Variants in PPP3CA observed in about 807,000 individuals in gnomAD.
PPP3CA encodes CAM-PRP catalytic subunit.
Under a neutral mutation model 66.5 loss-of-function variants are expected in PPP3CA, and 14 were observed. The ratio of observed to expected loss-of-function variants is 0.21; its 90% CI spans 0.14 to 0.33. PPP3CA has a LOEUF of 0.33. Ranked by LOEUF, PPP3CA falls within the 10% of genes least tolerant of loss-of-function variation. The pLI is 1.00. For synonymous variants in PPP3CA, 232 were observed against 226.2 expected, an observed-to-expected ratio of 1.03 and a Z score of -0.23; for missense variants, 317 against 639.5, an observed-to-expected ratio of 0.50 and a Z score of 5.44.
At chr4:101,216,901 T>C (rs1725474723) in intron 1 of PPP3CA, among the ~76,000 whole-genome samples, 1 of 152,076 alleles carries the variant, frequency 6.6e-6, no homozygotes, top group Non-Finnish European at 1.5e-5. Context: ...CATATATTTA[T>C]GGCAAATCAT....
chr4:101,066,770 G>A (rs764328086), intron 8 of PPP3CA, among the ~76,000 whole-genome samples: 27 of 151,796 alleles, frequency 1.8e-4, no homozygotes, highest in East Asian at 3.8e-4. Context: ...CACATCCTCC[G>A]CCCCTGCCAC....
Position 101,325,169 on chromosome 4 carries a change from C to A in PPP3CA, c.58+21570G>T, listed in dbSNP as rs115678674. Among the ~76,000 whole-genome samples the A allele has an allele frequency of 3.0e-3, 457 of 152,216 alleles. 1 individual carries two copies. The highest frequency in any genetic ancestry group is 0.011 in the African/African-American group (440 of 41,516). ...GGCATTGGTAGCTTTAAAAGTTTTC[C>A]AAGTGATTGTAATGTGTGACCATGC... On this transcript the variant is annotated intron_variant, in intron 1 of 13. Transcript: ENST00000394854.
At chr4:101,221,889 C>T (rs1409722962) in intron 1 of PPP3CA, among the ~76,000 whole-genome samples, 1 of 151,614 alleles carries the variant, frequency 6.6e-6, no homozygotes, top group East Asian at 1.9e-4. Flanking sequence ...GCTGAGATAA[C>T]TGAAAGTTCA....
chr4:101,279,362 T>A (rs1163160693), intron 1 of PPP3CA, among the ~76,000 whole-genome samples: 2 of 152,026 alleles, frequency 1.3e-5, no homozygotes, highest in African/African-American at 2.4e-5. Context: ...CAGAATAAAG[T>A]AACAGGCAGG....
At chr4:101,098,059 G>A (rs182763927) in intron 5 of PPP3CA, among the ~76,000 whole-genome samples, 106 of 152,076 alleles carry the variant, frequency 7.0e-4, no homozygotes, top group Non-Finnish European at 9.3e-4. Context: ...AATATACAAC[G>A]GATTGTTTGA....
At chr4:101,191,015 G>C (rs957857795) in intron 2 of PPP3CA, among the ~76,000 whole-genome samples, 1 of 152,132 alleles carries the variant, frequency 6.6e-6, no homozygotes, top group Non-Finnish European at 1.5e-5. Context: ...CTAAGCATAG[G>C]ATATGTAGAT....
intron 2 of PPP3CA, among the ~76,000 whole-genome samples, chr4:101,124,693 G>GAAAGAAAGAAAGAA (rs1722148061): frequency 1.1e-5 from 1 of 88,302 alleles, no homozygotes; most frequent in African/African-American, 5.0e-5. Flanking sequence ...AAGAAAGAAA[G>GAAAGAAAGAAAGAA]AAAGAAAGAA....
intron 1 of PPP3CA, among the ~76,000 whole-genome samples, chr4:101,301,915 A>T (rs1275010238): frequency 5.9e-5 from 9 of 151,416 alleles, no homozygotes. Context: ...AGTAAATATT[A>T]TTTATATTTG....
chr4:101,231,568 A>G (rs1031959118), intron 1 of PPP3CA, among the ~76,000 whole-genome samples: 4 of 151,736 alleles, frequency 2.6e-5, no homozygotes, highest in Non-Finnish European at 5.9e-5. Context: ...GAAAGTGACT[A>G]TAGAAGGCTT....
At chr4:101,033,374 C>T (rs1276192977) in intron 11 of PPP3CA, among the ~76,000 whole-genome samples, 3 of 151,354 alleles carry the variant, frequency 2.0e-5, no homozygotes, top group Non-Finnish European at 2.9e-5. Flanking sequence ...CAAATTTTTA[C>T]GAAGGTGTCT....
intron 2 of PPP3CA, among the ~76,000 whole-genome samples, chr4:101,171,562 A>G (rs538153375): frequency 1.3e-5 from 2 of 152,206 alleles, no homozygotes; most frequent in African/African-American, 4.8e-5. Flanking sequence ...TATTATCCCC[A>G]TTCTGCAGGA....
At chr4:101,141,851 A>C (rs1266032202) in intron 2 of PPP3CA, among the ~76,000 whole-genome samples, 1 of 152,204 alleles carries the variant, frequency 6.6e-6, no homozygotes, top group Non-Finnish European at 1.5e-5. Flanking sequence ...AAAGTTTCTT[A>C]ATTGAGTGAA....
At chr4:101,143,080 A>G (rs1722861184) in intron 2 of PPP3CA, among the ~76,000 whole-genome samples, 1 of 152,154 alleles carries the variant, frequency 6.6e-6, no homozygotes, top group Admixed American at 6.6e-5. Flanking sequence ...TTCAGCACAT[A>G]GTTTAATTTC....
chr4:101,134,775 C>T (rs1244893063), intron 2 of PPP3CA, among the ~76,000 whole-genome samples: 5 of 152,150 alleles, frequency 3.3e-5, no homozygotes, highest in African/African-American at 1.2e-4. Context: ...AAGACACATG[C>T]ACACGTATGT....
chr4:101,321,652 C>T (rs1241163881), intron 1 of PPP3CA, among the ~76,000 whole-genome samples: 1 of 152,028 alleles, frequency 6.6e-6, no homozygotes, highest in East Asian at 1.9e-4. Flanking sequence ...ACAAGGGAAC[C>T]CTTCCAGGCA....
chr4:101,144,660 G>A (rs931366868), intron 2 of PPP3CA, among the ~76,000 whole-genome samples: 1 of 151,992 alleles, frequency 6.6e-6, no homozygotes, highest in African/African-American at 2.4e-5. Context: ...ATACCACTAA[G>A]GGCAGATATT....
chr4:101,232,452 A>T lies in PPP3CA; in HGVS notation c.59-36336T>A, dbSNP rs936276920. On this transcript the variant is annotated intron_variant, in intron 1 of 13. Transcript: ENST00000394854. ...AAAAAAAATTGTAGCTACTTCACAC[A>T]AAGTGACAATGCTAAGAGACAAAAT... 1.2e-4 allele frequency among the ~76,000 whole-genome samples: 18 copies of T among 151,764 alleles called. 1 individual carries two copies. The highest frequency in any genetic ancestry group is 2.5e-4 in the Non-Finnish European group (17 of 67,814).
At chr4:101,147,072 T>G (rs892226766) in intron 2 of PPP3CA, among the ~76,000 whole-genome samples, 1 of 152,154 alleles carries the variant, frequency 6.6e-6, no homozygotes. Context: ...CAGATAAAGG[T>G]TAAAATTTGC....
chr4:101,128,047 A>T (rs1246541332), intron 2 of PPP3CA, among the ~76,000 whole-genome samples: 2 of 152,170 alleles, frequency 1.3e-5, no homozygotes, highest in Non-Finnish European at 2.9e-5. Flanking sequence ...TGCCATCATA[A>T]GCCCCTGAGT....
Sources: allele counts gnomAD v4.1 joint callset (sites outside exome capture counted in the v4.1 genomes callset), GRCh38; gene constraint gnomAD v4.1.1; transcripts MANE v1.5; gene names NCBI Gene and HGNC (gene_info 2026-07-23, HGNC 2026-07-21).